The following TMEM132C variants were observed in gnomAD, a reference collection of about 807,000 sequenced individuals.
TMEM132C encodes the protein protein phosphatase 1, regulatory subunit 152.
TMEM132C carries 29 observed loss-of-function variants against 61.4 expected under a neutral mutation model. The observed-to-expected ratio is 0.47, with a 90% CI of 0.35 to 0.64. TMEM132C has a LOEUF of 0.64. TMEM132C is among the 30% of genes least tolerant of loss of function. TMEM132C has a pLI of 0.00. For synonymous variants in TMEM132C, 656 were observed against 633.1 expected (o/e 1.04, Z -0.54); for missense variants, 1,408 against 1,476.9 (o/e 0.95, Z 0.76).
chr12:128,696,977 C>A (rs1954770474), intron 7 of TMEM132C, among the ~76,000 whole-genome samples: 1 of 152,156 alleles, frequency 6.6e-6, no homozygotes, highest in Non-Finnish European at 1.5e-5. Context: ...CTTTTAAAGA[C>A]AGAATGGATT....
intron 2 of TMEM132C, among the ~76,000 whole-genome samples, chr12:128,458,702 C>T (rs1266634176): frequency 6.6e-6 from 1 of 152,162 alleles, no homozygotes; most frequent in Non-Finnish European, 1.5e-5. Context: ...TTGCTTTTGC[C>T]AGTTTCCATG....
chr12:128,427,424 G>GTA (rs1163796370), intron 2 of TMEM132C, among the ~76,000 whole-genome samples: 176 of 143,728 alleles, frequency 1.2e-3, no homozygotes, highest in African/African-American at 4.5e-3. Flanking sequence ...GTGTGTGTGT[G>GTA]TGTGTATATA....
intron 1 of TMEM132C, among the ~76,000 whole-genome samples, chr12:128,268,659 C>T (rs960728828): frequency 1.3e-5 from 2 of 152,142 alleles, no homozygotes; most frequent in South Asian, 2.1e-4. Context: ...CCGCCTAATG[C>T]TCTGAGGCTG....
chr12:128,624,403 A>G (rs1475325699), intron 4 of TMEM132C, among the ~76,000 whole-genome samples: 2 of 151,718 alleles, frequency 1.3e-5, no homozygotes, highest in Non-Finnish European at 2.9e-5. Context: ...AATTAGCTGG[A>G]CGTGGTGGCG....
chr12:128,308,112 C>T (rs1871844200), intron 1 of TMEM132C, among the ~76,000 whole-genome samples: 2 of 152,182 alleles, frequency 1.3e-5, no homozygotes, highest in Non-Finnish European at 2.9e-5. Context: ...GGTTGTGAGT[C>T]CTGGAGCTGC....
chr12:128,290,429 G>T (rs115513056), intron 1 of TMEM132C, among the ~76,000 whole-genome samples: 1 of 151,962 alleles, frequency 6.6e-6, no homozygotes, highest in Non-Finnish European at 1.5e-5. Context: ...GGGGAAAGCC[G>T]CCCCCATGAT....
intron 1 of TMEM132C, among the ~76,000 whole-genome samples, chr12:128,395,019 T>C (rs1226766189): frequency 1.3e-5 from 2 of 152,026 alleles, no homozygotes; most frequent in African/African-American, 4.8e-5. Flanking sequence ...TTACTATTTA[T>C]AATTTTTTTC....
chr12:128,335,266 A>C (rs1023795841), intron 1 of TMEM132C, among the ~76,000 whole-genome samples: 3 of 152,176 alleles, frequency 2.0e-5, no homozygotes, highest in African/African-American at 7.2e-5. Context: ...TAATATCTGA[A>C]TTTTTAGCTT....
At chr12:128,642,546 C>T (rs1410737548) in intron 4 of TMEM132C, among the ~76,000 whole-genome samples, 1 of 152,136 alleles carries the variant, frequency 6.6e-6, no homozygotes, top group African/African-American at 2.4e-5. Context: ...TGAGTTCATG[C>T]AAGACCTGGT....
chr12:128,517,314 A>G (rs904720936), intron 2 of TMEM132C, among the ~76,000 whole-genome samples: 1 of 152,082 alleles, frequency 6.6e-6, no homozygotes, highest in Non-Finnish European at 1.5e-5. Context: ...ACACGCCTGT[A>G]ATCCCAGCTA....
chr12:128,581,182 T>C (rs1281560696), intron 3 of TMEM132C, among the ~76,000 whole-genome samples: 1 of 152,038 alleles, frequency 6.6e-6, no homozygotes, highest in Admixed American at 6.5e-5. Context: ...CACTGATTAA[T>C]GCGGATATGT....
At chr12:128,269,075 C>T (rs1326761456) in intron 1 of TMEM132C, among the ~76,000 whole-genome samples, 3 of 152,062 alleles carry the variant, frequency 2.0e-5, no homozygotes, top group Admixed American at 1.3e-4. Flanking sequence ...TGTTAATTAG[C>T]TCTAGGTTCC....
chr12:128,507,167 A>G (rs2136114354), intron 2 of TMEM132C, among the ~76,000 whole-genome samples: 1 of 152,194 alleles, frequency 6.6e-6, no homozygotes, highest in Middle Eastern at 3.4e-3. Flanking sequence ...TACAACCAAA[A>G]AATCCCTGAC....
chr12:128,412,570 C>T lies in TMEM132C; in HGVS notation c.86-2162C>T, dbSNP rs369087185. Reference sequence around the variant, plus strand: ...TGTTCTCGGGGTAGTGAGTAAGTCTCACAAGATCTGATGGTTTTGTAAATG... The same window carrying T: ...TGTTCTCGGGGTAGTGAGTAAGTCTTACAAGATCTGATGGTTTTGTAAATG... On this transcript the variant is annotated intron_variant, in intron 1 of 8. Coordinates refer to ENST00000435159, the MANE Select transcript of TMEM132C (RefSeq NM_001136103.3). 7.2e-5 allele frequency among the ~76,000 whole-genome samples: 11 copies of T among 152,248 alleles called. 1 individual carries two copies. The South Asian group carries it at 2.3e-3, about 32-fold the overall frequency.
chr12:128,316,801 TG>T (rs1180194280), intron 1 of TMEM132C, among the ~76,000 whole-genome samples: 1 of 152,196 alleles, frequency 6.6e-6, no homozygotes, highest in African/African-American at 2.4e-5. Flanking sequence ...GGTACAGAAT[TG>T]GCTTAATCAT....
intron 2 of TMEM132C, among the ~76,000 whole-genome samples, chr12:128,432,836 T>C (rs1869438335): frequency 6.6e-6 from 1 of 152,132 alleles, no homozygotes; most frequent in African/African-American, 2.4e-5. Context: ...TCAAACAGCA[T>C]CGCGTACTAC....
intron 2 of TMEM132C, among the ~76,000 whole-genome samples, chr12:128,479,368 A>G (rs1020386903): frequency 2.6e-5 from 4 of 152,220 alleles, no homozygotes; most frequent in Non-Finnish European, 5.9e-5. Context: ...AAAGTTAAGG[A>G]AAAAAAAGAG....
At chr12:128,670,411 T>C (rs746419971) in intron 5 of TMEM132C, among the ~76,000 whole-genome samples, 12 of 152,202 alleles carry the variant, frequency 7.9e-5, no homozygotes, top group Admixed American at 7.2e-4. Context: ...TTTGTATCTT[T>C]TGACCAATAT....
chr12:128,590,837 C>T (rs891252260), intron 3 of TMEM132C, among the ~76,000 whole-genome samples: 7 of 152,150 alleles, frequency 4.6e-5, no homozygotes, highest in Non-Finnish European at 1.0e-4. Context: ...AGTACAGTGG[C>T]ACCATCACAG....
Sources: allele counts gnomAD v4.1 joint callset (sites outside exome capture counted in the v4.1 genomes callset), GRCh38; gene constraint gnomAD v4.1.1; transcripts MANE v1.5; gene names NCBI Gene and HGNC (gene_info 2026-07-23, HGNC 2026-07-21).